The following GRID1 variants were observed in gnomAD, a reference collection of about 807,000 sequenced individuals.
GRID1 encodes the protein glutamate receptor ionotropic, delta-1.
GRID1 carries 28 observed loss-of-function variants against 98.0 expected under a neutral mutation model. That is an observed-to-expected ratio of 0.29 (90% CI 0.21 to 0.39). The LOEUF (loss-of-function observed/expected upper bound fraction) is 0.39. Among genes scored for constraint, GRID1 ranks in the 10% least tolerant of loss-of-function variants. The probability of loss-of-function intolerance (pLI) is 1.00; values close to 1 mark genes in which losing one functional copy is unlikely to be tolerated. For synonymous variants in GRID1, 553 were observed against 538.5 expected (o/e 1.03, Z -0.37); for missense variants, 1,111 against 1,340.5 (o/e 0.83, Z 2.67).
intron 12 of GRID1, among the ~76,000 whole-genome samples, chr10:85,674,575 T>C (rs1382623016): frequency 6.6e-6 from 1 of 152,188 alleles, no homozygotes. Flanking sequence ...ACTATCCTCA[T>C]TTGAAAGATG....
At chr10:85,724,213 A>C in intron 11 of GRID1, 139 bp downstream of exon 11, 1 of 601,938 alleles carries the variant, frequency 1.7e-6, no homozygotes. Context: ...TGGGTGCAGC[A>C]TGACATTTGT....
chr10:85,935,157 G>A (rs7923188), intron 4 of GRID1, among the ~76,000 whole-genome samples: 84,486 of 151,958 alleles, frequency 0.56, 23,776 homozygotes, highest in African/African-American at 0.64. Flanking sequence ...TATTGTCTCA[G>A]TTATTAAAGA....
At chr10:85,771,470 C>T (rs1391747574) in intron 8 of GRID1, among the ~76,000 whole-genome samples, 1 of 151,910 alleles carries the variant, frequency 6.6e-6, no homozygotes, top group African/African-American at 2.4e-5. Context: ...TCACACATAA[C>T]AATATTAACT....
At chr10:85,644,392 T>C (rs1419527949) in intron 13 of GRID1, among the ~76,000 whole-genome samples, 1 of 152,238 alleles carries the variant, frequency 6.6e-6, no homozygotes, top group African/African-American at 2.4e-5. Flanking sequence ...ACCACTGTGG[T>C]GAATCTTGTA....
intron 12 of GRID1, among the ~76,000 whole-genome samples, chr10:85,675,155 G>C (rs1841130211): frequency 6.6e-6 from 1 of 152,186 alleles, no homozygotes; most frequent in Admixed American, 6.5e-5. Flanking sequence ...AAAGTTTTAA[G>C]AAATTATTCA....
At chr10:86,300,490 G>A (rs1296681144) in intron 2 of GRID1, among the ~76,000 whole-genome samples, 1 of 107,168 alleles carries the variant, frequency 9.3e-6, no homozygotes, top group Non-Finnish European at 1.9e-5. Context: ...GAGGGAGGGA[G>A]GGAGGAAAGA....
intron 2 of GRID1, among the ~76,000 whole-genome samples, chr10:86,273,485 C>T (rs968028259): frequency 6.6e-6 from 1 of 151,042 alleles, no homozygotes; most frequent in African/African-American, 2.4e-5. Context: ...GAGGAATCTC[C>T]ACACTGACTT....
rs972635079 is a variant in GRID1, at chr10:86,138,912, C to T, written c.633G>A (p.Thr211=). 1.2e-6 allele frequency: 2 copies of T among 1,614,100 alleles called. No homozygotes were observed. Among genetic ancestry groups the T allele is most frequent in the Admixed American group, 1.7e-5 (1 of 60,022 alleles). ...AGCGATTCAGCTCCTCTGTCTTCATCGTGGTGAAGAGGCTGGTGAATACGT... is the reference window on the plus strand; with the variant it reads ...AGCGATTCAGCTCCTCTGTCTTCATTGTGGTGAAGAGGCTGGTGAATACGT... ...ISHVFTSLFT[T]MKTEELNRYR... Residue 211 remains threonine, a synonymous_variant, in exon 4 of 16, where the codon ACG becomes ACA. Coordinates refer to ENST00000327946, the MANE Select transcript of GRID1 (RefSeq NM_017551.3).
chr10:86,358,481 G>C (rs1025331022), intron 2 of GRID1, among the ~76,000 whole-genome samples: 9 of 152,066 alleles, frequency 5.9e-5, no homozygotes, highest in African/African-American at 1.9e-4. Flanking sequence ...AGGGAGGGCC[G>C]GGCACGGTGG....
rs1360855507 is a variant in GRID1 at position 86,082,690 on chromosome 10, G to GC, written c.726+56128dup. Among the ~76,000 whole-genome samples, 7 of 152,008 alleles carry GC rather than the reference G, an allele frequency of 4.6e-5. No homozygotes were observed. In the South Asian group the frequency reaches 6.2e-4, roughly 14 times the overall value. On this transcript the variant is annotated intron_variant, in intron 4 of 15. Coordinates refer to ENST00000327946, the MANE Select transcript of GRID1 (RefSeq NM_017551.3). ...TCACACAACCCACAAAAACTTTTTA[G>GC]CCCCCCAGGCCAAAGCTGACTCTCC...
At chr10:85,980,315 G>A (rs998647919) in intron 4 of GRID1, among the ~76,000 whole-genome samples, 1 of 152,226 alleles carries the variant, frequency 6.6e-6, no homozygotes, top group Admixed American at 6.5e-5. Context: ...CCTGGCATAC[G>A]GCCAGTGCTC....
chr10:85,605,249 G>T (rs900727876), intron 15 of GRID1: 1 of 152,208 alleles, frequency 6.6e-6, no homozygotes, highest in South Asian at 2.1e-4. Context: ...TCGTTTTGGC[G>T]AATATTTGTA....
At position 85,964,851 on chromosome 10, in the gene GRID1, T is replaced by G. The variant is rs190395450; in HGVS notation, c.727-48612A>C. On this transcript the variant is annotated intron_variant, in intron 4 of 15. Coordinates refer to ENST00000327946, the MANE Select transcript of GRID1 (RefSeq NM_017551.3). Reference sequence around the variant, plus strand: ...AAAGAAACTATCATCAGAGTGAACATGTAACCTACAGAATGGGAGAAAAAT... The same window carrying G: ...AAAGAAACTATCATCAGAGTGAACAGGTAACCTACAGAATGGGAGAAAAAT... Among the ~76,000 whole-genome samples, 62 of 152,152 alleles carry G rather than the reference T, an allele frequency of 4.1e-4. 1 individual carries two copies. In the Middle Eastern group the frequency reaches 0.024, roughly 58 times the overall value.
intron 12 of GRID1, among the ~76,000 whole-genome samples, chr10:85,694,594 ATATATAT>A (rs1564562170): frequency 7.6e-5 from 8 of 105,418 alleles, no homozygotes; most frequent in East Asian, 4.8e-4. Flanking sequence ...ATATATATAT[ATATATAT>A]AATGGAATAT....
At chr10:85,912,069 A>G (rs1377232414) in intron 5 of GRID1, among the ~76,000 whole-genome samples, 1 of 152,158 alleles carries the variant, frequency 6.6e-6, no homozygotes, top group Non-Finnish European at 1.5e-5. Context: ...ATGTACATTG[A>G]CCTGCCTTCA....
intron 8 of GRID1, among the ~76,000 whole-genome samples, chr10:85,778,875 C>G (rs1219523306): frequency 1.3e-5 from 2 of 152,090 alleles, no homozygotes; most frequent in African/African-American, 4.8e-5. Context: ...GGGCCAATAT[C>G]AGTGCTTAAT....
intron 4 of GRID1, among the ~76,000 whole-genome samples, chr10:85,970,279 A>T (rs1164861002): frequency 2.0e-5 from 3 of 152,094 alleles, no homozygotes; most frequent in Non-Finnish European, 2.9e-5. Context: ...AACTCTTCCA[A>T]AAAATAGAAT....
chr10:86,228,447 T>C (rs972236008), intron 2 of GRID1, among the ~76,000 whole-genome samples: 2 of 152,050 alleles, frequency 1.3e-5, no homozygotes, highest in Non-Finnish European at 1.5e-5. Context: ...CTTGATACAA[T>C]TGGAGCAGCT....
intron 8 of GRID1, among the ~76,000 whole-genome samples, chr10:85,813,582 C>T (rs1479728758): frequency 1.3e-5 from 2 of 151,560 alleles, no homozygotes; most frequent in East Asian, 3.9e-4. Flanking sequence ...TACAGCAGGC[C>T]TACAATATTA....
Sources: gnomAD v4.1 joint callset for allele counts (sites outside exome capture counted in the v4.1 genomes callset) on GRCh38, gnomAD v4.1.1 for gene constraint, MANE v1.5 for transcripts, NCBI Gene and HGNC (gene_info 2026-07-23, HGNC 2026-07-21) for gene names.